PTK2B: variants seen among roughly 807,000 people sequenced by gnomAD.
PTK2B encodes the protein protein-tyrosine kinase 2-beta.
In PTK2B, 71 loss-of-function variants were observed where a neutral mutation model predicts 142.9. The observed-to-expected ratio is 0.50, with a 90% CI of 0.41 to 0.61. The LOEUF is 0.61. Among genes scored for constraint, PTK2B ranks in the 20% least tolerant of loss-of-function variants. The probability of loss-of-function intolerance (pLI) is 0.00; values close to 1 mark genes in which losing one functional copy is unlikely to be tolerated. For missense variants in PTK2B, 1,105 were observed against 1,320.4 expected (o/e 0.84, Z 2.53); for synonymous variants, 519 against 503.4 (o/e 1.03, Z -0.42).
intron 24 of PTK2B, among the ~76,000 whole-genome samples, chr8:27,450,507 C>T (rs76720144): frequency 6.6e-5 from 10 of 152,262 alleles, no homozygotes; most frequent in East Asian, 1.9e-4. Flanking sequence ...TTGAATACAG[C>T]GCACGTTGAG....
upstream of PTK2B, among the ~76,000 whole-genome samples, chr8:27,324,747 AG>A (rs1469636349): frequency 6.6e-6 from 1 of 152,220 alleles, no homozygotes; most frequent in Admixed American, 6.5e-5. Flanking sequence ...TTGTAGGATG[AG>A]GATGATGCTG....
intron 2 of PTK2B, among the ~76,000 whole-genome samples, chr8:27,417,053 T>G (rs1275209723): frequency 6.6e-6 from 1 of 152,202 alleles, no homozygotes; most frequent in Non-Finnish European, 1.5e-5. Context: ...CAGACATACA[T>G]CTATCTTTGA....
Position 27,436,229 on chromosome 8 carries a change from A to G in PTK2B, c.1244-22A>G, listed in dbSNP as rs1390274325. On this transcript the variant is annotated intron_variant, in intron 14 of 30. Transcript: ENST00000346049. ...ATACCACCGATCTCTGTGATCTGCG[A>G]CTGTTTTCTCTGTCTGTGCAGGTCC... 4 of 1,612,174 alleles carry G rather than the reference A, an allele frequency of 2.5e-6. No homozygotes were observed. The African/African-American group carries it at 5.3e-5, about 22-fold the overall frequency.
intron 23 of PTK2B, among the ~76,000 whole-genome samples, chr8:27,444,992 A>G (rs1327499204): frequency 1.3e-5 from 2 of 152,200 alleles, no homozygotes; most frequent in African/African-American, 2.4e-5. Context: ...ACTAATAGAT[A>G]AATCCTCTTC....
chr8:27,454,323 G>C, intron 29 of PTK2B, 32 bp downstream of exon 29: 1 of 1,602,908 alleles, frequency 6.2e-7, no homozygotes, highest in South Asian at 1.1e-5. Flanking sequence ...GGAGGTGGAG[G>C]CGGCTCAAGT....
intron 1 of PTK2B, among the ~76,000 whole-genome samples, chr8:27,389,332 G>A (rs1285054328): frequency 1.4e-4 from 21 of 152,086 alleles, no homozygotes; most frequent in Non-Finnish European, 5.9e-5. Context: ...AGGGAAGACA[G>A]GAAGACACTC....
At chr8:27,384,486 C>T (rs1188080896) in intron 1 of PTK2B, among the ~76,000 whole-genome samples, 1 of 152,136 alleles carries the variant, frequency 6.6e-6, no homozygotes, top group Non-Finnish European at 1.5e-5. Flanking sequence ...TTGACTTCCT[C>T]TTTTCCAACT....
intron 1 of PTK2B, among the ~76,000 whole-genome samples, chr8:27,344,549 A>G (rs193048183): frequency 3.0e-4 from 45 of 152,344 alleles, no homozygotes; most frequent in African/African-American, 9.4e-4. Flanking sequence ...TAAGTATTCA[A>G]TCCATGTAGC....
At chr8:27,320,979 G>GTTTTTTTTTTTT (rs1257774872), upstream of PTK2B, among the ~76,000 whole-genome samples, 21 of 32,640 alleles carry the variant, frequency 6.4e-4, 1 homozygote, top group Admixed American at 1.1e-3. Context: ...CATACAAAAG[G>GTTTTTTTTTTTT]CTTTTTTTTT....
chr8:27,365,840 C>A (rs546009914), intron 1 of PTK2B, among the ~76,000 whole-genome samples: 2 of 152,210 alleles, frequency 1.3e-5, no homozygotes, highest in Admixed American at 1.3e-4. Flanking sequence ...CCAGACATTG[C>A]TGGTAATTTG....
chr8:27,422,549 T>C (rs914327826), intron 5 of PTK2B, among the ~76,000 whole-genome samples, 166 bp downstream of exon 5: 2 of 152,084 alleles, frequency 1.3e-5, no homozygotes, highest in African/African-American at 4.8e-5. Context: ...GGGTGTTGGG[T>C]CTTCAGGATG....
At chr8:27,456,894 A>G (rs905353362) in intron 30 of PTK2B, among the ~76,000 whole-genome samples, 31 of 152,252 alleles carry the variant, frequency 2.0e-4, no homozygotes, top group Non-Finnish European at 5.9e-5. Context: ...CAAGGCCTTC[A>G]ATTCTATGAA....
chr8:27,412,727 G>A lies in PTK2B; in HGVS notation c.205-7168G>A, dbSNP rs561031493. Among the ~76,000 whole-genome samples the A allele has an allele frequency of 2.0e-5, 3 of 152,204 alleles. No homozygotes were observed. In the South Asian group the frequency reaches 6.2e-4, roughly 32 times the overall value. On this transcript the variant is annotated intron_variant, in intron 2 of 30. Transcript: ENST00000346049. ...GTCTCTTAATGAATTTCAACCCCAAGGACCTCGAGTTAAATTTTCCTCCAC... is the reference window on the plus strand; with the variant it reads ...GTCTCTTAATGAATTTCAACCCCAAAGACCTCGAGTTAAATTTTCCTCCAC...
intron 2 of PTK2B, among the ~76,000 whole-genome samples, chr8:27,400,622 A>G (rs1420594854): frequency 6.6e-6 from 1 of 152,128 alleles, no homozygotes; most frequent in African/African-American, 2.4e-5. Flanking sequence ...GATTAACTAG[A>G]TATAGGGAGG....
At chr8:27,431,571 C>T (rs1797905065) in intron 9 of PTK2B, 99 bp downstream of exon 9, 1 of 1,486,038 alleles carries the variant, frequency 6.7e-7, no homozygotes, top group South Asian at 1.2e-5. Flanking sequence ...CTTCTTGCCC[C>T]TGTTGCTGAA....
At chr8:27,380,844 A>G (rs1008653010) in intron 1 of PTK2B, 4 of 152,240 alleles carry the variant, frequency 2.6e-5, no homozygotes, top group African/African-American at 4.8e-5. Flanking sequence ...CAAGCCAGCC[A>G]TTCTTCAGCC....
chr8:27,370,895 G>A (rs776492713), intron 1 of PTK2B, among the ~76,000 whole-genome samples: 3 of 152,064 alleles, frequency 2.0e-5, no homozygotes, highest in Non-Finnish European at 2.9e-5. Context: ...TCTCAAGTTA[G>A]TCTTTTTAGT....
chr8:27,369,892 G>T (rs1408283711), intron 1 of PTK2B, among the ~76,000 whole-genome samples: 3 of 152,086 alleles, frequency 2.0e-5, no homozygotes, highest in Admixed American at 6.6e-5. Flanking sequence ...CAGGAGAATA[G>T]CTTGAGCTCA....
intron 1 of PTK2B, among the ~76,000 whole-genome samples, chr8:27,376,084 C>T (rs540368822): frequency 1.1e-4 from 16 of 152,286 alleles, no homozygotes; most frequent in African/African-American, 3.1e-4. Flanking sequence ...GACAGGAGCC[C>T]CAGGTGTGGG....
Sources: gnomAD v4.1 joint callset for allele counts (sites outside exome capture counted in the v4.1 genomes callset) on GRCh38, gnomAD v4.1.1 for gene constraint, MANE v1.5 for transcripts, NCBI Gene and HGNC (gene_info 2026-07-23, HGNC 2026-07-21) for gene names.